The following PLAGL1 variants were observed in gnomAD, a reference collection of about 807,000 sequenced individuals.
PLAGL1 encodes zinc finger protein PLAGL1.
A neutral mutation model predicts 4.6 loss-of-function variants in PLAGL1; 1 was observed. The observed-to-expected ratio is 0.22, with a 90% CI of 0.08 to 1.03. PLAGL1 has a LOEUF of 1.03. Among genes scored for constraint, PLAGL1 ranks in the 50% least tolerant of loss-of-function variants. PLAGL1 has a pLI of 0.58. For missense variants in PLAGL1, 464 were observed against 570.4 expected (o/e 0.81, Z 1.90); for synonymous variants, 240 against 237.8 (o/e 1.01, Z -0.08).
chr6:144,037,455 G>A (rs1220524427), intron 1 of PLAGL1, among the ~76,000 whole-genome samples: 2 of 149,482 alleles, frequency 1.3e-5, no homozygotes, highest in Non-Finnish European at 3.0e-5. Flanking sequence ...GGGTGTGACA[G>A]TGTGCACCTG....
Position 144,016,239 on chromosome 6 carries a change from A to G in PLAGL1, c.-150-47261T>C, listed in dbSNP as rs1354492664. The stretch of plus-strand genomic sequence containing the variant: ...GAGCCAGTCCGAGTCCCAAAACTGA[A>G]GAACTTGGAGTCTGATGTTAGAGGG... On this transcript the variant is annotated intron_variant, in intron 1 of 3. Coordinates refer to the PLAGL1 transcript ENST00000437412. This position sits in a 1 kb window ranked among gnomAD's most constrained non-coding sequence, Gnocchi z 4.2. Among the ~76,000 whole-genome samples the G allele has an allele frequency of 1.3e-5, 2 of 152,194 alleles. No individual in the cohort carries two copies. The highest frequency in any genetic ancestry group is 2.9e-5 in the Non-Finnish European group (2 of 68,038).
At chr6:144,001,330 A>G (rs1403911272) in intron 1 of PLAGL1, among the ~76,000 whole-genome samples, 1 of 152,164 alleles carries the variant, frequency 6.6e-6, no homozygotes, top group East Asian at 1.9e-4. Flanking sequence ...ATCAATATAC[A>G]TGGATATAAA....
Position 143,959,983 on chromosome 6 carries a change from T to C in PLAGL1, c.-325+486A>G, listed in dbSNP as rs930154986. On this transcript the variant is annotated intron_variant, in intron 6 of 7. Coordinates refer to ENST00000674357, the MANE Select transcript of PLAGL1 (RefSeq NM_001317162.2). This position sits in a 1 kb window ranked among gnomAD's most constrained non-coding sequence, Gnocchi z 5.3. The stretch of plus-strand genomic sequence containing the variant: ...ACTGCTTTACAACAGCGTTTTCAAA[T>C]AAAGCCTCAGGAAGTATGGCTGGAT... 3.3e-5 allele frequency among the ~76,000 whole-genome samples: 5 copies of C among 152,226 alleles called. No homozygotes were observed. The highest frequency in any genetic ancestry group is 7.3e-5 in the Non-Finnish European group (5 of 68,038).
At position 143,977,091 on chromosome 6, in the gene PLAGL1, C is replaced by CA. The variant is rs1026749194; in HGVS notation, c.-544+8043_-544+8044insT. On this transcript the variant is annotated intron_variant, in intron 2 of 7. Transcript: ENST00000674357. Reference sequence around the variant, plus strand: ...TTTCCCATATACTCCCTTCCCCCCCCCCAACACACTTAGCCTTCTCCATTA... The same window carrying CA: ...TTTCCCATATACTCCCTTCCCCCCCCACCAACACACTTAGCCTTCTCCATTA... Among the ~76,000 whole-genome samples the CA allele has an allele frequency of 1.2e-3, 182 of 149,002 alleles. 2 individuals carry two copies. Among genetic ancestry groups the CA allele is most frequent in the Middle Eastern group, 3.5e-3 (1 of 288 alleles).
chr6:144,026,454 T>C (rs1796347676), intron 1 of PLAGL1, among the ~76,000 whole-genome samples: 1 of 152,236 alleles, frequency 6.6e-6, no homozygotes, highest in Non-Finnish European at 1.5e-5. Context: ...CACTTATTCA[T>C]TTATAATTTA....
intron 1 of PLAGL1, among the ~76,000 whole-genome samples, chr6:143,999,851 C>T (rs550409108): frequency 1.2e-4 from 19 of 152,098 alleles, no homozygotes; most frequent in African/African-American, 3.9e-4. Flanking sequence ...AAGAAAAAAA[C>T]GAGTACTTCC....
At position 144,063,240 on chromosome 6, in the gene PLAGL1, C is replaced by A. The variant is rs939691597; in HGVS notation, c.-151+1228G>T. Among the ~76,000 whole-genome samples, 6 of 152,206 alleles carry A rather than the reference C, an allele frequency of 3.9e-5. No individual in the cohort carries two copies. Among genetic ancestry groups the A allele is most frequent in the Admixed American group, 6.5e-5 (1 of 15,282 alleles). On this transcript the variant is annotated intron_variant, in intron 1 of 3. Coordinates refer to the PLAGL1 transcript ENST00000437412. This position sits in a 1 kb window ranked among gnomAD's most constrained non-coding sequence, Gnocchi z 5.7. ...TCTCCCCTTTCCACACACTTCCATA[C>A]ACCCTATTTCACCTCTATTACAAGT...
rs55710387 is a variant in PLAGL1, at chr6:143,985,897, A to ATG, written c.-583-725_-583-724dup. The stretch of plus-strand genomic sequence containing the variant: ...GCCAAGCTACATATTATATATTATT[A>ATG]TGTGTGTGTGTGTGTGTGTGTATAC... On this transcript the variant is annotated intron_variant, in intron 1 of 7. Coordinates refer to ENST00000674357, the MANE Select transcript of PLAGL1 (RefSeq NM_001317162.2). This position sits in a 1 kb window ranked among gnomAD's most constrained non-coding sequence, Gnocchi z 4.4. 0.44 allele frequency among the ~76,000 whole-genome samples: 60,834 copies of ATG among 139,800 alleles called. 14,065 individuals are homozygous for ATG. The highest frequency in any genetic ancestry group is 0.62 in the East Asian group (2,927 of 4,732). The allele number at this position is 139,800 out of a possible 152,430, so 91.7% of individuals were successfully genotyped here. A position where few individuals can be genotyped will look rare whatever the true frequency, so the allele number is the denominator to read the frequency against.
chr6:144,028,351 T>C (rs923919270), intron 1 of PLAGL1, among the ~76,000 whole-genome samples: 13 of 152,160 alleles, frequency 8.5e-5, no homozygotes, highest in African/African-American at 2.4e-4. Flanking sequence ...AACACATTTG[T>C]CAAAATTCAA....
In PLAGL1 at chr6:143,945,297, C is replaced by G. The variant is rs2128511396; in HGVS notation, c.153-2634G>C. Among the ~76,000 whole-genome samples the G allele has an allele frequency of 6.6e-6, 1 of 152,250 alleles. No individual in the cohort carries two copies. The highest frequency in any genetic ancestry group is 2.4e-5 in the African/African-American group (1 of 41,540). Reference sequence around the variant, plus strand: ...CACCATCTTTGGGTATCATCTGGATCATGTCAGTGATTTTAGAATTATTTA... The same window carrying G: ...CACCATCTTTGGGTATCATCTGGATGATGTCAGTGATTTTAGAATTATTTA... On this transcript the variant is annotated intron_variant, in intron 7 of 7. Coordinates refer to ENST00000674357, the MANE Select transcript of PLAGL1 (RefSeq NM_001317162.2). The surrounding 1 kb of genome is among the most constrained non-coding windows in gnomAD (Gnocchi z 4.2).
At chr6:143,969,693 T>C (rs1785061822) in intron 2 of PLAGL1, among the ~76,000 whole-genome samples, 2 of 151,774 alleles carry the variant, frequency 1.3e-5, no homozygotes, top group African/African-American at 4.8e-5. Context: ...CACTATTCCT[T>C]TGGGTAAGGG....
intron 2 of PLAGL1, among the ~76,000 whole-genome samples, chr6:143,977,291 C>T (rs1786807788): frequency 6.6e-6 from 1 of 151,772 alleles, no homozygotes; most frequent in African/African-American, 2.4e-5. Context: ...GAAGTTTTGC[C>T]GATCTTTTTA....
intron 1 of PLAGL1, among the ~76,000 whole-genome samples, chr6:144,003,211 T>C (rs539083716): frequency 2.6e-5 from 4 of 152,226 alleles, no homozygotes; most frequent in East Asian, 3.9e-4. Flanking sequence ...GATGTCCATA[T>C]ACAAAATAAA....
Position 144,006,051 on chromosome 6 carries a change from C to G in PLAGL1, c.-584+2039G>C, listed in dbSNP as rs539541929. The stretch of plus-strand genomic sequence containing the variant: ...GTGACTTTTGGGAAAGCAAACACAC[C>G]AAATGATGTTTTCTCCTAAATGCTT... On this transcript the variant is annotated intron_variant, in intron 1 of 7. Coordinates refer to ENST00000674357, the MANE Select transcript of PLAGL1 (RefSeq NM_001317162.2). This position sits in a 1 kb window ranked among gnomAD's most constrained non-coding sequence, Gnocchi z 4.3. 6.6e-6 allele frequency: 1 copy of G among 151,970 alleles called. No individual in the cohort carries two copies. The highest frequency in any genetic ancestry group is 1.5e-5 in the Non-Finnish European group (1 of 67,978). The allele number at this position is 151,970 out of a possible 1,614,324, so 9.4% of individuals were successfully genotyped here. A position where few individuals can be genotyped will look rare whatever the true frequency, so the allele number is the denominator to read the frequency against.
chr6:143,942,149 T>A lies in PLAGL1; in HGVS notation c.667A>T (p.Ser223Cys). The part of the protein sequence containing the change: ...KESLQTGDLL[S>C]TFHTISPSFQ... ...GAAGGCGAGATGGTGTGGAAGGTGC[T>A]CAGAAGGTCTCCGGTCTGCAAGCTC... The change falls in exon 8 of 8, where the codon AGC becomes TGC. Residue 223 changes from serine to cysteine, a missense_variant. By Grantham distance (112) the Ser-to-Cys change is moderately radical. This residue lies in a region of PLAGL1 where 248 missense variants were observed against 250.1 expected (regional missense o/e 0.99). Transcript: ENST00000674357. The surrounding 1 kb of genome is among the most constrained non-coding windows in gnomAD (Gnocchi z 7.6). 6.2e-7 allele frequency: 1 copy of A among 1,614,112 alleles called. No homozygotes were observed. Among genetic ancestry groups the A allele is most frequent in the Non-Finnish European group, 8.5e-7 (1 of 1,180,016 alleles).
intron 1 of PLAGL1, among the ~76,000 whole-genome samples, chr6:144,038,065 T>C (rs879306780): frequency 2.0e-4 from 31 of 152,178 alleles, no homozygotes; most frequent in Non-Finnish European, 2.5e-4. Context: ...CAGATAGTAG[T>C]TGGAGTCTCA....
chr6:144,001,353 T>C (rs1792840928), intron 1 of PLAGL1, among the ~76,000 whole-genome samples: 1 of 151,860 alleles, frequency 6.6e-6, no homozygotes, highest in South Asian at 2.1e-4. Context: ...ACTGACTCAA[T>C]AATAAATCAA....
chr6:143,998,748 GA>G lies in PLAGL1; in HGVS notation c.-584+9341del, dbSNP rs576521624. On this transcript the variant is annotated intron_variant, in intron 1 of 7. Transcript: ENST00000674357. The stretch of plus-strand genomic sequence containing the variant: ...AGTGAGTATTCTCTGAACAGAGCTT[GA>G]AAAAAAATGGTTGAAAATTAGTTGG... Among the ~76,000 whole-genome samples, 297 of 151,974 alleles carry G rather than the reference GA, an allele frequency of 2.0e-3. 4 individuals are homozygous for G. The highest frequency in any genetic ancestry group is 0.015 in the East Asian group (77 of 5,184).
At position 144,006,166 on chromosome 6, in the gene PLAGL1, C is replaced by T. The variant is rs1272132035; in HGVS notation, c.-584+1924G>A. 1 of 151,948 alleles carries T rather than the reference C, an allele frequency of 6.6e-6. No individual in the cohort carries two copies. Among genetic ancestry groups the T allele is most frequent in the Non-Finnish European group, 1.5e-5 (1 of 67,992 alleles). 9.4% of individuals were successfully genotyped at this position (151,948 alleles called of 1,614,324 possible). The stretch of plus-strand genomic sequence containing the variant: ...CCACCATGGAATTTATGAAATAAAA[C>T]ATTACTGATAAATTCCCTAGGTACT... On this transcript the variant is annotated intron_variant, in intron 1 of 7. Transcript: ENST00000674357. The surrounding 1 kb of genome is among the most constrained non-coding windows in gnomAD (Gnocchi z 4.3).
Sources: allele counts gnomAD v4.1 joint callset (sites outside exome capture counted in the v4.1 genomes callset), GRCh38; gene constraint gnomAD v4.1.1; regional missense constraint gnomAD v4.1.1; non-coding constraint Gnocchi (gnomAD v3.1); transcripts MANE v1.5; gene names NCBI Gene and HGNC (gene_info 2026-07-23, HGNC 2026-07-21).